Variants in LCK observed in about 807,000 individuals in gnomAD.
LCK encodes tyrosine-protein kinase Lck.
LCK carries 14 observed loss-of-function variants against 64.6 expected under a neutral mutation model. The ratio of observed to expected loss-of-function variants is 0.22; its 90% CI spans 0.14 to 0.34. The LOEUF is 0.34. Among genes scored for constraint, LCK ranks in the 10% least tolerant of loss-of-function variants. The pLI, the probability that LCK is intolerant of heterozygous loss-of-function variation, is 1.00. For synonymous variants in LCK, 277 were observed against 263.6 expected (o/e 1.05, Z -0.49); for missense variants, 434 against 668.1 (o/e 0.65, Z 3.86).
rs147056245 is a variant in LCK at position 32,264,166 on chromosome 1, A to T, written c.-5-10159A>T. Reference sequence around the variant, plus strand: ...AACAGGCAGGTAAATATATACCCAGAAACGTGCATTCCAGGTAGAGGGGGG... The same window carrying T: ...AACAGGCAGGTAAATATATACCCAGTAACGTGCATTCCAGGTAGAGGGGGG... On this transcript the variant is annotated intron_variant, in intron 1 of 12. Transcript: ENST00000336890. 2.5e-3 allele frequency among the ~76,000 whole-genome samples: 380 copies of T among 152,270 alleles called. 2 individuals carry two copies. Among genetic ancestry groups the T allele is most frequent in the African/African-American group, 8.9e-3 (369 of 41,566 alleles).
In LCK at chr1:32,251,391, G is replaced by GGGGCGC. The variant is rs1273214073; in HGVS notation, c.-6+21_-6+26dup. On this transcript the variant is annotated intron_variant, in intron 1 of 12. Transcript: ENST00000336890. This position sits in a 1 kb window ranked among gnomAD's most constrained non-coding sequence, Gnocchi z 4.0. ...GGGCAGGTAAGGAGCGCTGGTATTG[G>GGGGCGC]GGGCGCAGGCGCCGGGGTGAGAGGC... 6.5e-6 allele frequency: 1 copy of GGGGCGC among 153,842 alleles called. No individual in the cohort carries two copies. Among genetic ancestry groups the GGGGCGC allele is most frequent in the African/African-American group, 2.4e-5 (1 of 41,488 alleles). The allele number at this position is 153,842 out of a possible 1,614,324, so 9.5% of individuals were successfully genotyped here. A position where few individuals can be genotyped will look rare whatever the true frequency, so the allele number is the denominator to read the frequency against.
In LCK at chr1:32,262,159, C is replaced by T. The variant is rs545590450; in HGVS notation, c.-6+10788C>T. On this transcript the variant is annotated intron_variant, in intron 1 of 12. Coordinates refer to ENST00000336890, the MANE Select transcript of LCK (RefSeq NM_005356.5). ...TCGGCCTCCCAAAGTGCTGGGGTTA[C>T]AGGTGTGAGCCACGGCCCCCGGTAG... Among the ~76,000 whole-genome samples the T allele has an allele frequency of 3.3e-3, 476 of 143,194 alleles. 2 individuals are homozygous for T. Among genetic ancestry groups the T allele is most frequent in the Admixed American group, 5.7e-3 (82 of 14,368 alleles). The allele number at this position is 143,194 out of a possible 152,430, so 93.9% of individuals were successfully genotyped here. A position where few individuals can be genotyped will look rare whatever the true frequency, so the allele number is the denominator to read the frequency against.
At chr1:32,265,296 G>A (rs1178962328) in intron 1 of LCK, among the ~76,000 whole-genome samples, 1 of 152,114 alleles carries the variant, frequency 6.6e-6, no homozygotes, top group Non-Finnish European at 1.5e-5. Flanking sequence ...TCAGATTTTT[G>A]AAATATTAAA....
At position 32,275,121 on chromosome 1, in the gene LCK, AG is replaced by A; in HGVS notation, c.278+41del. 1 of 1,572,674 alleles carries A rather than the reference AG, an allele frequency of 6.4e-7. No individual in the cohort carries two copies. The highest frequency in any genetic ancestry group is 1.7e-5 in the Admixed American group (1 of 58,628). On this transcript the variant is annotated intron_variant, in intron 4 of 12. Transcript: ENST00000336890. The surrounding 1 kb of genome is among the most constrained non-coding windows in gnomAD (Gnocchi z 6.9). The stretch of plus-strand genomic sequence containing the variant: ...CCACCTTGCTCTGGCGGAGTCCGTG[AG>A]GGAGCGGCGATCTCCGCGACCCGCA...
At chr1:32,260,901 C>G (rs555204445) in intron 1 of LCK, among the ~76,000 whole-genome samples, 1 of 152,246 alleles carries the variant, frequency 6.6e-6, no homozygotes, top group African/African-American at 2.4e-5. Context: ...AGATTACTGG[C>G]GTGAGCCATT....
At chr1:32,262,174 G>A (rs1232854504) in intron 1 of LCK, among the ~76,000 whole-genome samples, 7 of 142,312 alleles carry the variant, frequency 4.9e-5, no homozygotes, top group Admixed American at 4.9e-4. Flanking sequence ...GTGAGCCACG[G>A]CCCCCGGTAG....
At chr1:32,273,707 T>C (rs1035876715) in intron 1 of LCK, among the ~76,000 whole-genome samples, 5 of 151,888 alleles carry the variant, frequency 3.3e-5, no homozygotes, top group Non-Finnish European at 7.4e-5. Flanking sequence ...AAAAAAAAGT[T>C]ATGGCCAACA....
chr1:32,270,331 T>C (rs1032012599), intron 1 of LCK, among the ~76,000 whole-genome samples: 22 of 151,062 alleles, frequency 1.5e-4, no homozygotes, highest in African/African-American at 5.4e-4. Context: ...CTTGAACTTC[T>C]GACCCCAGGT....
At chr1:32,253,472 T>A (rs1165625498) in intron 1 of LCK, among the ~76,000 whole-genome samples, 2 of 152,126 alleles carry the variant, frequency 1.3e-5, no homozygotes, top group Admixed American at 1.3e-4. Context: ...TTAGTAGAGA[T>A]GGAGTTTCAC....
At chr1:32,255,796 A>ATTT (rs1363275909) in intron 1 of LCK, among the ~76,000 whole-genome samples, 2,180 of 142,240 alleles carry the variant, frequency 0.015, 75 homozygotes, top group African/African-American at 0.049. Context: ...TACCCATTAA[A>ATTT]TTTATTTTTT....
At chr1:32,272,914 C>CTG (rs751636162) in intron 1 of LCK, among the ~76,000 whole-genome samples, 3 of 128,824 alleles carry the variant, frequency 2.3e-5, no homozygotes, top group South Asian at 2.5e-4. Flanking sequence ...GTGGAGGTGC[C>CTG]TGTGTGTGTG....
chr1:32,265,564 G>A (rs1291777047), intron 1 of LCK, among the ~76,000 whole-genome samples: 1 of 152,190 alleles, frequency 6.6e-6, no homozygotes, highest in African/African-American at 2.4e-5. Flanking sequence ...TTTAACATAG[G>A]CTGACTTTTT....
At chr1:32,279,213 C>G (rs1640374227) in intron 9 of LCK, among the ~76,000 whole-genome samples, 2 of 152,040 alleles carry the variant, frequency 1.3e-5, no homozygotes. Context: ...GAGAGGCTTC[C>G]TAGTGGGGCA....
chr1:32,257,685 TGTAA>T (rs1404113991), intron 1 of LCK, among the ~76,000 whole-genome samples: 1 of 152,110 alleles, frequency 6.6e-6, no homozygotes, highest in Non-Finnish European at 1.5e-5. Flanking sequence ...ATTGCCAAGC[TGTAA>T]GTAAGGCTCC....
chr1:32,256,141 T>G lies in LCK; in HGVS notation c.-6+4770T>G, dbSNP rs140412704. ...AATAACAATACAATTTATTTATTTATTTATTTAGTTATTTATAGATGGAGT... is the reference window on the plus strand; with the variant it reads ...AATAACAATACAATTTATTTATTTAGTTATTTAGTTATTTATAGATGGAGT... On this transcript the variant is annotated intron_variant, in intron 1 of 12. Transcript: ENST00000336890. Among the ~76,000 whole-genome samples, 32 of 151,988 alleles carry G rather than the reference T, an allele frequency of 2.1e-4. No individual in the cohort carries two copies. The East Asian group carries it at 4.9e-3, about 23-fold the overall frequency.
intron 2 of LCK, 26 bp from the exon 3 acceptor site, chr1:32,274,711 C>T (rs1250173637): frequency 3.2e-6 from 5 of 1,540,736 alleles, no homozygotes; most frequent in Non-Finnish European, 4.4e-6. Flanking sequence ...TGCTTTCTGA[C>T]CCCACCCTCA....
chr1:32,270,950 C>T (rs144564642), intron 1 of LCK, among the ~76,000 whole-genome samples: 1 of 151,004 alleles, frequency 6.6e-6, no homozygotes, highest in African/African-American at 2.4e-5. Context: ...GACCCACCCG[C>T]CTTGGCCTCC....
chr1:32,276,626 G>A lies in LCK; in HGVS notation c.804G>A (p.Thr268=), dbSNP rs1233200709. 6.2e-7 allele frequency: 1 copy of A among 1,612,624 alleles called. No individual in the cohort carries two copies. Among genetic ancestry groups the A allele is most frequent in the East Asian group, 2.2e-5 (1 of 44,844 alleles). Reference sequence around the variant, plus strand: ...ACCCAGGGTACTACAACGGGCACACGAAGGTGGCGGTGAAGAGCCTGAAGC... The same window carrying A: ...ACCCAGGGTACTACAACGGGCACACAAAGGTGGCGGTGAAGAGCCTGAAGC... The part of the protein sequence containing the change: ...EVWMGYYNGH[T]KVAVKSLKQG... The change falls in exon 9 of 13, where the codon ACG becomes ACA. Residue 268 remains threonine, a synonymous_variant. Coordinates refer to ENST00000336890, the MANE Select transcript of LCK (RefSeq NM_005356.5). This position sits in a 1 kb window ranked among gnomAD's most constrained non-coding sequence, Gnocchi z 4.6.
At chr1:32,277,137 G>A (rs1370339073) in intron 9 of LCK, 1 of 157,732 alleles carries the variant, frequency 6.3e-6, no homozygotes, top group Non-Finnish European at 1.4e-5. Flanking sequence ...TTTAATCCGG[G>A]AGGTGGAGGC....
Sources: allele counts gnomAD v4.1 joint callset (sites outside exome capture counted in the v4.1 genomes callset), GRCh38; gene constraint gnomAD v4.1.1; non-coding constraint Gnocchi (gnomAD v3.1); transcripts MANE v1.5; gene names NCBI Gene and HGNC (gene_info 2026-07-23, HGNC 2026-07-21).